The following SLC4A10 variants were observed in gnomAD, a reference collection of about 807,000 sequenced individuals.
SLC4A10 encodes solute carrier family 4 member 10.
In SLC4A10, 42 loss-of-function variants were observed where a neutral mutation model predicts 137.7. The observed-to-expected ratio is 0.30, with a 90% CI of 0.24 to 0.39. The LOEUF is 0.39. SLC4A10 is among the 10% of genes least tolerant of loss of function. The probability of loss-of-function intolerance (pLI) is 1.00; values close to 1 mark genes in which losing one functional copy is unlikely to be tolerated. For synonymous variants in SLC4A10, 474 were observed against 464.1 expected (o/e 1.02, Z -0.27); for missense variants, 925 against 1,355.0 (o/e 0.68, Z 4.98).
chr2:161,918,370 G>T (rs959577931), intron 15 of SLC4A10, among the ~76,000 whole-genome samples: 1 of 151,974 alleles, frequency 6.6e-6, no homozygotes, highest in Admixed American at 6.6e-5. Flanking sequence ...TAGCCAGGCT[G>T]GTCTCAAACC....
intron 6 of SLC4A10, among the ~76,000 whole-genome samples, chr2:161,867,668 T>C (rs2060844866): frequency 6.6e-6 from 1 of 151,996 alleles, no homozygotes. Context: ...TTTTCAGGCA[T>C]ACTAATTTTT....
intron 3 of SLC4A10, among the ~76,000 whole-genome samples, chr2:161,836,588 GAAAGAAAGAA>G (rs1559359656): frequency 3.3e-5 from 2 of 60,224 alleles, no homozygotes; most frequent in Admixed American, 2.8e-4. Flanking sequence ...AAGAAAGAAA[GAAAGAAAGAA>G]AGGAAGGAAG....
At chr2:161,682,352 C>T (rs1398612718) in intron 1 of SLC4A10, among the ~76,000 whole-genome samples, 1 of 152,034 alleles carries the variant, frequency 6.6e-6, no homozygotes, top group African/African-American at 2.4e-5. Context: ...GTCATCAAAT[C>T]AGTGAGTATA....
At chr2:161,918,057 TTTATGA>T (rs2105473399) in intron 15 of SLC4A10, among the ~76,000 whole-genome samples, 1 of 152,328 alleles carries the variant, frequency 6.6e-6, no homozygotes, top group African/African-American at 2.4e-5. Flanking sequence ...ACAAATTCAT[TTTATGA>T]TTAATACTTA....
intron 23 of SLC4A10, among the ~76,000 whole-genome samples, chr2:161,966,690 G>A (rs1559647391): frequency 6.6e-6 from 1 of 150,544 alleles, no homozygotes; most frequent in African/African-American, 2.4e-5. Context: ...GGACGTTGCA[G>A]TGAGCCACTG....
At chr2:161,969,036 A>G (rs1250907298) in intron 23 of SLC4A10, among the ~76,000 whole-genome samples, 1 of 152,210 alleles carries the variant, frequency 6.6e-6, no homozygotes, top group Non-Finnish European at 1.5e-5. Context: ...GCAATTGCTC[A>G]AATTAATTGA....
intron 6 of SLC4A10, among the ~76,000 whole-genome samples, chr2:161,871,070 G>C (rs531532622): frequency 4.9e-4 from 75 of 151,920 alleles, no homozygotes; most frequent in Non-Finnish European, 8.7e-4. Context: ...TAAATAATTA[G>C]TATTTTTAAC....
At position 161,938,001 on chromosome 2, in the gene SLC4A10, G is replaced by A. The variant is rs887142804; in HGVS notation, c.1998-4791G>A. Among the ~76,000 whole-genome samples the A allele has an allele frequency of 4.9e-4, 75 of 152,142 alleles. 1 individual carries two copies. Among genetic ancestry groups the A allele is most frequent in the African/African-American group, 1.5e-3 (61 of 41,522 alleles). ...GCTTTTAAAGTATCAGGCCAGGTAC[G>A]GTGGCTCATGCCTATAATCCCAGCA... On this transcript the variant is annotated intron_variant, in intron 15 of 26. Coordinates refer to ENST00000446997, the MANE Select transcript of SLC4A10 (RefSeq NM_001178015.2).
intron 1 of SLC4A10, among the ~76,000 whole-genome samples, chr2:161,669,176 T>A (rs62188987): frequency 0.082 from 12,437 of 151,888 alleles, 580 homozygotes; most frequent in East Asian, 0.14. Flanking sequence ...AGCCCACTAG[T>A]TTGACTGTCT....
intron 15 of SLC4A10, among the ~76,000 whole-genome samples, chr2:161,928,639 T>A: frequency 8.8e-6 from 1 of 113,250 alleles, no homozygotes. Context: ...ATCATAACAA[T>A]CCTTGAAAGC....
chr2:161,800,742 G>A (rs897862771), intron 2 of SLC4A10, among the ~76,000 whole-genome samples: 11 of 152,034 alleles, frequency 7.2e-5, no homozygotes, highest in Non-Finnish European at 1.6e-4. Flanking sequence ...GCAACCATGA[G>A]GCAAAGTATG....
chr2:161,649,420 T>C (rs540548965), intron 1 of SLC4A10, among the ~76,000 whole-genome samples: 1 of 152,326 alleles, frequency 6.6e-6, no homozygotes, highest in African/African-American at 2.4e-5. Context: ...ATTTTAAAAA[T>C]TGGATTTCTT....
At position 161,861,073 on chromosome 2, in the gene SLC4A10, A is replaced by T. The variant is rs575971832; in HGVS notation, c.578-1801A>T. On this transcript the variant is annotated intron_variant, in intron 5 of 26. Transcript: ENST00000446997. ...ACAAAGGCAAAATTCAGTATTTGTGACAGAGATCATATGGCCTACAATGCC... is the reference window on the plus strand; with the variant it reads ...ACAAAGGCAAAATTCAGTATTTGTGTCAGAGATCATATGGCCTACAATGCC... 4.6e-5 allele frequency among the ~76,000 whole-genome samples: 7 copies of T among 152,296 alleles called. No homozygotes were observed. The South Asian group carries it at 1.5e-3, about 32-fold the overall frequency.
At chr2:161,882,327 T>G (rs1274745512) in intron 9 of SLC4A10, 30 bp from the exon 10 acceptor site, 1 of 1,375,454 alleles carries the variant, frequency 7.3e-7, no homozygotes, top group Non-Finnish European at 9.9e-7. Context: ...TATTTCTACC[T>G]TAAAACATTT....
chr2:161,905,407 G>A (rs1684121307), intron 14 of SLC4A10, among the ~76,000 whole-genome samples: 1 of 152,166 alleles, frequency 6.6e-6, no homozygotes, highest in Non-Finnish European at 1.5e-5. Context: ...TCTGAGCTCA[G>A]GCGGTAATGC....
intron 1 of SLC4A10, among the ~76,000 whole-genome samples, chr2:161,701,876 T>G (rs1004271634): frequency 1.3e-5 from 2 of 151,732 alleles, no homozygotes; most frequent in African/African-American, 4.8e-5. Context: ...TCAGTTAAAC[T>G]AGCTATTATG....
chr2:161,837,219 CA>C (rs1184872681), intron 3 of SLC4A10, among the ~76,000 whole-genome samples: 3 of 151,836 alleles, frequency 2.0e-5, no homozygotes, highest in Non-Finnish European at 2.9e-5. Context: ...GTGGAACCTA[CA>C]AAAAAATTAG....
chr2:161,917,576 TAAAA>T (rs774860851), intron 15 of SLC4A10, among the ~76,000 whole-genome samples: 2 of 102,874 alleles, frequency 1.9e-5, no homozygotes, highest in African/African-American at 6.6e-5. Flanking sequence ...AGACCCTGTC[TAAAA>T]AAAAAAAAAA....
intron 4 of SLC4A10, among the ~76,000 whole-genome samples, chr2:161,847,314 G>A (rs950554754): frequency 5.3e-5 from 8 of 151,202 alleles, no homozygotes; most frequent in African/African-American, 1.9e-4. Context: ...GCAACACACA[G>A]AGCCCAAATC....
Sources: gnomAD v4.1 joint callset for allele counts (sites outside exome capture counted in the v4.1 genomes callset) on GRCh38, gnomAD v4.1.1 for gene constraint, MANE v1.5 for transcripts, NCBI Gene and HGNC (gene_info 2026-07-23, HGNC 2026-07-21) for gene names.